Variants in CPNE8 observed in about 807,000 individuals in gnomAD.
The protein encoded by CPNE8 is copine-8.
In CPNE8, 45 loss-of-function variants were observed where a neutral mutation model predicts 81.5. That is an observed-to-expected ratio of 0.55 (90% CI 0.44 to 0.71). The LOEUF (loss-of-function observed/expected upper bound fraction) is 0.71, where lower values mean the gene tolerates loss of function less well. CPNE8 is among the 30% of genes least tolerant of loss of function. The probability of loss-of-function intolerance (pLI) is 0.00; values close to 1 mark genes in which losing one functional copy is unlikely to be tolerated. For synonymous variants in CPNE8, 252 were observed against 226.3 expected (o/e 1.11, Z -1.02); for missense variants, 594 against 672.1 (o/e 0.88, Z 1.28).
intron 5 of CPNE8, among the ~76,000 whole-genome samples, chr12:38,837,782 G>A (rs1420707139): frequency 6.6e-6 from 1 of 152,074 alleles, no homozygotes; most frequent in African/African-American, 2.4e-5. Context: ...TGTCAGGGTA[G>A]TTTAAGCAGA....
chr12:38,792,944 A>G (rs1258882394), intron 6 of CPNE8, among the ~76,000 whole-genome samples: 1 of 151,970 alleles, frequency 6.6e-6, no homozygotes, highest in African/African-American at 2.4e-5. Context: ...AAAATCAATC[A>G]ATGTAATACA....
At chr12:38,871,420 A>T (rs1018365238) in intron 3 of CPNE8, among the ~76,000 whole-genome samples, 1 of 152,220 alleles carries the variant, frequency 6.6e-6, no homozygotes, top group African/African-American at 2.4e-5. Flanking sequence ...ATCTATGGTC[A>T]GTAAGCCGTT....
At chr12:38,791,952 G>A (rs925914098) in intron 6 of CPNE8, among the ~76,000 whole-genome samples, 16 of 150,210 alleles carry the variant, frequency 1.1e-4, no homozygotes, top group African/African-American at 3.9e-4. Context: ...TCACAAATAA[G>A]TAGAAATTAA....
rs116883159 is a variant in CPNE8, at chr12:38,734,167, G to A, written c.723-3809C>T. On this transcript the variant is annotated intron_variant, in intron 10 of 19. Coordinates refer to ENST00000331366, the MANE Select transcript of CPNE8 (RefSeq NM_153634.3). ...CAAGAAAGGTATTAACTTCATCTCA[G>A]GATTCCCAGCATCCCCCTCCGTACC... 5.8e-4 allele frequency among the ~76,000 whole-genome samples: 88 copies of A among 151,984 alleles called. No individual in the cohort carries two copies. In the East Asian group the frequency reaches 0.013, roughly 22 times the overall value.
intron 16 of CPNE8, among the ~76,000 whole-genome samples, chr12:38,682,551 A>T (rs1939434279): frequency 6.6e-6 from 1 of 152,186 alleles, no homozygotes; most frequent in Non-Finnish European, 1.5e-5. Context: ...GAGCAAACAA[A>T]CAAAACCTCA....
At chr12:38,764,583 C>A (rs1941642818) in intron 8 of CPNE8, among the ~76,000 whole-genome samples, 1 of 133,016 alleles carries the variant, frequency 7.5e-6, no homozygotes, top group South Asian at 2.5e-4. Context: ...CGCCACTGCA[C>A]TCCAGCCTGG....
intron 6 of CPNE8, among the ~76,000 whole-genome samples, chr12:38,808,054 T>C (rs1422083821): frequency 6.6e-6 from 1 of 152,080 alleles, no homozygotes; most frequent in Non-Finnish European, 1.5e-5. Flanking sequence ...CACAATGAGA[T>C]ATCATCTCAC....
At chr12:38,887,718 G>C (rs899138751) in intron 1 of CPNE8, among the ~76,000 whole-genome samples, 8 of 152,082 alleles carry the variant, frequency 5.3e-5, no homozygotes, top group African/African-American at 1.9e-4. Context: ...ATAAACAGAA[G>C]CACAAGGAAA....
intron 1 of CPNE8, among the ~76,000 whole-genome samples, chr12:38,893,517 T>C (rs2137147613): frequency 6.6e-6 from 1 of 152,392 alleles, no homozygotes. Context: ...TGGTTTAGCA[T>C]ATAATCAAGA....
In CPNE8 at chr12:38,687,370, C is replaced by CTTTTTTTTTTTTTTT. The variant is rs35643732; in HGVS notation, c.1144-1754_1144-1753insAAAAAAAAAAAAAAA. ...GCTACCAAATTACGAAATGCCAAGA[C>CTTTTTTTTTTTTTTT]TTTCTTTTTTTTTTTTTTTTTTTTT... On this transcript the variant is annotated intron_variant, in intron 15 of 19. Coordinates refer to ENST00000331366, the MANE Select transcript of CPNE8 (RefSeq NM_153634.3). Among the ~76,000 whole-genome samples the CTTTTTTTTTTTTTTT allele has an allele frequency of 2.1e-5, 2 of 95,494 alleles. 1 individual carries two copies. The allele number at this position is 95,494 out of a possible 152,430, so 62.6% of individuals were successfully genotyped here.
chr12:38,658,264 A>C (rs1204295297), intron 19 of CPNE8, among the ~76,000 whole-genome samples: 1 of 152,190 alleles, frequency 6.6e-6, no homozygotes, highest in Non-Finnish European at 1.5e-5. Context: ...CACAAGCTTC[A>C]ATAGCTGATT....
At chr12:38,712,085 G>A (rs1242991673) in intron 13 of CPNE8, among the ~76,000 whole-genome samples, 1 of 151,256 alleles carries the variant, frequency 6.6e-6, no homozygotes, top group Non-Finnish European at 1.5e-5. Flanking sequence ...TTCTAGACAT[G>A]TATATTCCAT....
chr12:38,848,704 G>T (rs778884235), intron 3 of CPNE8, 42 bp from the exon 4 acceptor site: 6 of 1,540,302 alleles, frequency 3.9e-6, no homozygotes, highest in East Asian at 4.7e-5. Flanking sequence ...ACCTTGTACG[G>T]CTACTTATTA....
At chr12:38,665,794 T>A (rs1464760962) in intron 19 of CPNE8, among the ~76,000 whole-genome samples, 2 of 152,152 alleles carry the variant, frequency 1.3e-5, no homozygotes, top group African/African-American at 4.8e-5. Context: ...TATGACAAGG[T>A]AGTAAGCTTT....
chr12:38,677,448 T>G lies in CPNE8; in HGVS notation c.1374+4A>C. The G allele has an allele frequency of 1.3e-6, 2 of 1,553,662 alleles. No individual in the cohort carries two copies. Among genetic ancestry groups the G allele is most frequent in the Non-Finnish European group, 1.8e-6 (2 of 1,125,444 alleles). ...GAGCCCAATACGGAGTGACCCCCACTTACATTAACTATGGACTCCTTAGTC... is the reference window on the plus strand; with the variant it reads ...GAGCCCAATACGGAGTGACCCCCACGTACATTAACTATGGACTCCTTAGTC... On this transcript the variant is annotated splice_donor_region_variant and intron_variant, in intron 17 of 19. Transcript: ENST00000331366.
chr12:38,685,903 A>G lies in CPNE8; in HGVS notation c.1144-286T>C, dbSNP rs573272903. ...TTTAAATAAGAAGTTGAACACCACA[A>G]CAGCCTAAAATTAATAGTATCTTAA... On this transcript the variant is annotated intron_variant, in intron 15 of 19. Transcript: ENST00000331366. Among the ~76,000 whole-genome samples, 31 of 152,278 alleles carry G rather than the reference A, an allele frequency of 2.0e-4. No individual in the cohort carries two copies. The South Asian group carries it at 6.4e-3, about 32-fold the overall frequency.
chr12:38,798,169 C>G (rs1310588517), intron 6 of CPNE8, among the ~76,000 whole-genome samples: 2 of 152,022 alleles, frequency 1.3e-5, no homozygotes, highest in African/African-American at 4.8e-5. Context: ...GCAAGGCAGG[C>G]CAACATTCAG....
At chr12:38,717,966 C>T (rs1326082377) in intron 13 of CPNE8, among the ~76,000 whole-genome samples, 1 of 151,814 alleles carries the variant, frequency 6.6e-6, no homozygotes, top group Non-Finnish European at 1.5e-5. Flanking sequence ...ATTATAAAAA[C>T]CAAATTAAAT....
chr12:38,878,604 A>G (rs1233581734), intron 1 of CPNE8, among the ~76,000 whole-genome samples: 1 of 152,206 alleles, frequency 6.6e-6, no homozygotes, highest in Non-Finnish European at 1.5e-5. Context: ...TATAGTAGTT[A>G]CTGAGTAGCC....
Sources: gnomAD v4.1 joint callset for allele counts (sites outside exome capture counted in the v4.1 genomes callset) on GRCh38, gnomAD v4.1.1 for gene constraint, MANE v1.5 for transcripts, NCBI Gene and HGNC (gene_info 2026-07-23, HGNC 2026-07-21) for gene names.